Variants in RHOF observed in about 807,000 individuals in gnomAD.
RHOF encodes rho-related GTP-binding protein RhoF.
RHOF carries 21 observed loss-of-function variants against 22.2 expected under a neutral mutation model. The observed-to-expected ratio is 0.95, with a 90% CI of 0.67 to 1.36. The LOEUF is 1.36. Among genes scored for constraint, RHOF ranks in the 40% most tolerant of loss-of-function variants. The pLI is 0.00. For synonymous variants in RHOF, 135 were observed against 131.2 expected (o/e 1.03, Z -0.20); for missense variants, 285 against 293.7 (o/e 0.97, Z 0.22).
At position 121,779,415 on chromosome 12, in the gene RHOF, G is replaced by A. The variant is rs763163453; in HGVS notation, c.*83C>T. ...CCCAGACACCATGAGCTGGAGGGTC[G>A]GGATGGGGCAGCCTCCCTGGTGCAA... On this transcript the variant is annotated 3_prime_UTR_variant, in exon 5 of 5. Transcript: ENST00000267205. The A allele has an allele frequency of 1.2e-4, 171 of 1,462,910 alleles. No homozygotes were observed. The highest frequency in any genetic ancestry group is 2.2e-4 in the African/African-American group (16 of 71,606). The allele number at this position is 1,462,910 out of a possible 1,614,324, so 90.6% of individuals were successfully genotyped here. A position where few individuals can be genotyped will look rare whatever the true frequency, so the allele number is the denominator to read the frequency against.
chr12:121,791,111 C>T (rs1206843536), intron 2 of RHOF, among the ~76,000 whole-genome samples: 2 of 151,772 alleles, frequency 1.3e-5, no homozygotes, highest in Non-Finnish European at 2.9e-5. Flanking sequence ...TGGCTTCAAG[C>T]AATCCTCCTG....
intron 2 of RHOF, among the ~76,000 whole-genome samples, chr12:121,790,139 C>G (rs533746306): frequency 7.2e-5 from 11 of 152,346 alleles, no homozygotes; most frequent in Admixed American, 6.5e-4. Flanking sequence ...ACTACTTCCT[C>G]AGGAGGGAGA....
intron 2 of RHOF, among the ~76,000 whole-genome samples, chr12:121,783,568 C>CACCTCCCAGGTTCAAGTGATTCTCCT (rs1874531322): frequency 6.6e-6 from 1 of 152,106 alleles, no homozygotes; most frequent in Admixed American, 6.5e-5. Context: ...CTGCAACCTA[C>CACCTCCCAGGTTCAAGTGATTCTCCT]ACCTCCCAGG....
chr12:121,778,392 A>C lies in RHOF; in HGVS notation c.*1106T>G, dbSNP rs1166475591. ...CTTGAACCCAGGAGGTGGAGCTTGC[A>C]GTGAGCCAAGATCATGCCACTGCAC... On this transcript the variant is annotated 3_prime_UTR_variant, in exon 5 of 5. Coordinates refer to ENST00000267205, the MANE Select transcript of RHOF (RefSeq NM_019034.3). 3 of 149,514 alleles carry C rather than the reference A, an allele frequency of 2.0e-5. No homozygotes were observed. Among genetic ancestry groups the C allele is most frequent in the Non-Finnish European group, 4.4e-5 (3 of 67,838 alleles). 9.3% of individuals were successfully genotyped at this position (149,514 alleles called of 1,614,324 possible).
chr12:121,779,727 G>A, intron 4 of RHOF, 65 bp from the exon 5 acceptor site: 1 of 1,576,958 alleles, frequency 6.3e-7, no homozygotes, highest in Non-Finnish European at 8.7e-7. Flanking sequence ...ACCACCTGGT[G>A]GGTTTGGGAC....
chr12:121,790,213 G>A (rs944592619), intron 2 of RHOF, among the ~76,000 whole-genome samples: 26 of 152,262 alleles, frequency 1.7e-4, no homozygotes, highest in South Asian at 6.2e-4. Flanking sequence ...CAGGACCAGC[G>A]TTTGGTCCTG....
At chr12:121,786,020 T>C (rs1353525220) in intron 2 of RHOF, among the ~76,000 whole-genome samples, 2 of 151,836 alleles carry the variant, frequency 1.3e-5, no homozygotes, top group Non-Finnish European at 2.9e-5. Flanking sequence ...GTTCACGCCA[T>C]TCTTCTGCTT....
At position 121,793,585 on chromosome 12, in the gene RHOF, T is replaced by C. The variant is rs1367480117; in HGVS notation, c.49A>G (p.Arg17Gly). 1 of 1,553,042 alleles carries C rather than the reference T, an allele frequency of 6.4e-7. No individual in the cohort carries two copies. Among genetic ancestry groups the C allele is most frequent in the East Asian group, 2.4e-5 (1 of 42,086 alleles). Residue 17 changes from arginine to glycine, a missense_variant, in exon 1 of 5, where the codon AGG (arginine) becomes GGG (glycine). Transcript: ENST00000267205. ...ACGATCACGATCTTCAGCTCCTTCCTGCCCGGACCGGGGGCGGCGGTCTGG... is the reference window on the plus strand; with the variant it reads ...ACGATCACGATCTTCAGCTCCTTCCCGCCCGGACCGGGGGCGGCGGTCTGG... ...LAQTAAPGPG[R>G]KELKIVIVGD... is the part of the protein sequence containing the mutation.
intron 2 of RHOF, among the ~76,000 whole-genome samples, chr12:121,787,734 T>C (rs1236370301): frequency 6.6e-6 from 1 of 151,960 alleles, no homozygotes; most frequent in Non-Finnish European, 1.5e-5. Flanking sequence ...AAACGCTGTC[T>C]CTACTAAAAA....
chr12:121,780,342 G>T, intron 4 of RHOF: 1 of 162,628 alleles, frequency 6.1e-6, no homozygotes, highest in Non-Finnish European at 1.4e-5. Context: ...ACAGGCGTGA[G>T]CCACTATGCC....
At chr12:121,792,871 G>A (rs1874798397) in intron 2 of RHOF, among the ~76,000 whole-genome samples, 1 of 152,268 alleles carries the variant, frequency 6.6e-6, no homozygotes, top group South Asian at 2.1e-4. Flanking sequence ...GCAGCCCACT[G>A]CTTTCTAGAA....
chr12:121,786,007 TG>T (rs991769665), intron 2 of RHOF, among the ~76,000 whole-genome samples: 3 of 151,926 alleles, frequency 2.0e-5, no homozygotes, highest in African/African-American at 7.3e-5. Context: ...CTCCGCCTTC[TG>T]GGTTCACGCC....
At chr12:121,788,590 G>A (rs1874675670) in intron 2 of RHOF, among the ~76,000 whole-genome samples, 1 of 152,184 alleles carries the variant, frequency 6.6e-6, no homozygotes, top group South Asian at 2.1e-4. Flanking sequence ...AGTCAGGAGG[G>A]TCAGGTTCCA....
rs1282561993 is a variant in RHOF, at chr12:121,784,558, AAG to A, written c.227-3368_227-3367del. Among the ~76,000 whole-genome samples, 140 of 151,988 alleles carry A rather than the reference AAG, an allele frequency of 9.2e-4. 1 individual carries two copies. The highest frequency in any genetic ancestry group is 3.1e-3 in the African/African-American group (127 of 41,418). Reference sequence around the variant, plus strand: ...AGACGTCGTCTCAAAAAAAAAAAAAAAGAAAAAAAAATCCTTACATGACAGCC... The same window carrying A: ...AGACGTCGTCTCAAAAAAAAAAAAAAAAAAAAAAATCCTTACATGACAGCC... On this transcript the variant is annotated intron_variant, in intron 2 of 4. Coordinates refer to ENST00000267205, the MANE Select transcript of RHOF (RefSeq NM_019034.3).
chr12:121,787,957 G>A (rs1464799113), intron 2 of RHOF, among the ~76,000 whole-genome samples: 1 of 150,854 alleles, frequency 6.6e-6, no homozygotes, highest in Admixed American at 6.6e-5. Context: ...GAGTGCAGTG[G>A]TGTGATCATA....
chr12:121,788,702 G>A (rs1161993779), intron 2 of RHOF, among the ~76,000 whole-genome samples: 1 of 152,154 alleles, frequency 6.6e-6, no homozygotes. Context: ...TTATCTGGGA[G>A]AGGGGGTGAT....
chr12:121,779,247 C>T lies in RHOF; in HGVS notation c.*251G>A. 1 of 542,390 alleles carries T rather than the reference C, an allele frequency of 1.8e-6. No homozygotes were observed. Among genetic ancestry groups the T allele is most frequent in the Non-Finnish European group, 3.3e-6 (1 of 300,802 alleles). The allele number at this position is 542,390 out of a possible 1,614,324, so 33.6% of individuals were successfully genotyped here. ...GGTGGGGGTGGCTGTGATGAGGGCACTTGCGAGTCCCGACAACAGACACTG... is the reference window on the plus strand; with the variant it reads ...GGTGGGGGTGGCTGTGATGAGGGCATTTGCGAGTCCCGACAACAGACACTG... On this transcript the variant is annotated 3_prime_UTR_variant, in exon 5 of 5. Coordinates refer to ENST00000267205, the MANE Select transcript of RHOF (RefSeq NM_019034.3).
intron 2 of RHOF, among the ~76,000 whole-genome samples, chr12:121,785,272 T>C (rs1377786590): frequency 6.6e-6 from 1 of 152,138 alleles, no homozygotes; most frequent in Non-Finnish European, 1.5e-5. Flanking sequence ...CTCAGAGCAG[T>C]GCATGATCTA....
chr12:121,793,123 C>T, intron 2 of RHOF, 29 bp downstream of exon 2: 3 of 1,541,338 alleles, frequency 1.9e-6, no homozygotes, highest in Non-Finnish European at 2.6e-6. Context: ...GGCGGACCCT[C>T]GGGCCCCCCG....
Sources: gnomAD v4.1 joint callset for allele counts (sites outside exome capture counted in the v4.1 genomes callset) on GRCh38, gnomAD v4.1.1 for gene constraint, MANE v1.5 for transcripts, NCBI Gene and HGNC (gene_info 2026-07-23, HGNC 2026-07-21) for gene names.